The following CTNND2 variants were observed in gnomAD, a reference collection of about 807,000 sequenced individuals.
CTNND2 encodes catenin delta-2.
Under a neutral mutation model 144.4 loss-of-function variants are expected in CTNND2, and 22 were observed. The ratio of observed to expected loss-of-function variants is 0.15; its 90% CI spans 0.11 to 0.22. The LOEUF (loss-of-function observed/expected upper bound fraction) is 0.22. Among genes scored for constraint, CTNND2 ranks in the 10% least tolerant of loss-of-function variants. The pLI is 1.00. For synonymous variants in CTNND2, 751 were observed against 695.6 expected (o/e 1.08, Z -1.25); for missense variants, 1,353 against 1,618.8 (o/e 0.84, Z 2.82).
intron 2 of CTNND2, among the ~76,000 whole-genome samples, chr5:11,623,875 GA>G (rs1388845831): frequency 7.6e-6 from 1 of 131,010 alleles, no homozygotes; most frequent in Non-Finnish European, 1.6e-5. Context: ...GGAGCAGCCA[GA>G]TTCATAAAAG....
intron 11 of CTNND2, among the ~76,000 whole-genome samples, chr5:11,178,449 T>C (rs1760681299): frequency 6.6e-6 from 1 of 152,184 alleles, no homozygotes; most frequent in African/African-American, 2.4e-5. Context: ...GAAACAATCA[T>C]GACTATGAAA....
chr5:11,702,218 TACC>T (rs1785472911), intron 2 of CTNND2, among the ~76,000 whole-genome samples: 1 of 152,180 alleles, frequency 6.6e-6, no homozygotes, highest in African/African-American at 2.4e-5. Context: ...GCTTCTTGTG[TACC>T]ACAAGGGTTT....
intron 12 of CTNND2, among the ~76,000 whole-genome samples, chr5:11,137,730 C>G (rs1443453914): frequency 3.9e-5 from 6 of 152,146 alleles, no homozygotes; most frequent in Non-Finnish European, 5.9e-5. Flanking sequence ...CAGGCAAATC[C>G]TTATTTATGG....
At chr5:11,683,849 C>G (rs1249420851) in intron 2 of CTNND2, among the ~76,000 whole-genome samples, 1 of 152,150 alleles carries the variant, frequency 6.6e-6, no homozygotes, top group African/African-American at 2.4e-5. Context: ...GACTCTAGGT[C>G]AGAGCCCTGA....
intron 1 of CTNND2, among the ~76,000 whole-genome samples, chr5:11,750,272 T>C (rs1284576299): frequency 6.6e-6 from 1 of 151,954 alleles, no homozygotes; most frequent in African/African-American, 2.4e-5. Flanking sequence ...TAAGATCCCC[T>C]GTATGATTCC....
chr5:11,763,379 C>T (rs77431344), intron 1 of CTNND2, among the ~76,000 whole-genome samples: 11,607 of 152,184 alleles, frequency 0.076, 1,179 homozygotes, highest in African/African-American at 0.23. Context: ...TGCCCAACTA[C>T]CCAAGCCCAA....
chr5:11,130,012 A>G (rs1385540257), intron 12 of CTNND2, among the ~76,000 whole-genome samples: 2 of 152,066 alleles, frequency 1.3e-5, no homozygotes, highest in African/African-American at 4.8e-5. Flanking sequence ...TTCCCAAAAA[A>G]ACAAGTTTCC....
intron 9 of CTNND2, among the ~76,000 whole-genome samples, chr5:11,340,135 C>A (rs1022752940): frequency 1.4e-4 from 21 of 152,178 alleles, no homozygotes; most frequent in Admixed American, 1.2e-3. Context: ...TTTTAACTGT[C>A]CTCTTTACCT....
At chr5:11,151,058 T>C (rs2149752964) in intron 12 of CTNND2, among the ~76,000 whole-genome samples, 1 of 152,364 alleles carries the variant, frequency 6.6e-6, no homozygotes, top group East Asian at 1.9e-4. Context: ...ACGTGGACTC[T>C]GCTTGTTCTG....
intron 9 of CTNND2, among the ~76,000 whole-genome samples, chr5:11,282,934 T>C (rs1368070466): frequency 6.6e-6 from 1 of 152,176 alleles, no homozygotes; most frequent in Non-Finnish European, 1.5e-5. Context: ...TGTTAAAACT[T>C]GCCTCGTTCT....
intron 9 of CTNND2, among the ~76,000 whole-genome samples, chr5:11,296,583 C>T (rs958555862): frequency 5.9e-5 from 9 of 152,148 alleles, no homozygotes; most frequent in African/African-American, 2.2e-4. Flanking sequence ...GGAACCAACC[C>T]AAATGTCCAA....
intron 3 of CTNND2, among the ~76,000 whole-genome samples, chr5:11,522,500 T>C (rs1772831354): frequency 6.6e-6 from 1 of 152,194 alleles, no homozygotes; most frequent in South Asian, 2.1e-4. Context: ...TCAACTCTAT[T>C]ATCCATGTTA....
intron 1 of CTNND2, among the ~76,000 whole-genome samples, chr5:11,882,078 A>G (rs1211413357): frequency 6.6e-6 from 1 of 151,978 alleles, no homozygotes; most frequent in African/African-American, 2.4e-5. Context: ...TATTATCATT[A>G]TAACTGCTGT....
At chr5:11,742,003 G>C (rs1159716273) in intron 1 of CTNND2, among the ~76,000 whole-genome samples, 1 of 151,728 alleles carries the variant, frequency 6.6e-6, no homozygotes, top group African/African-American at 2.4e-5. Context: ...TAAGCTATGA[G>C]GACACAAAGG....
chr5:11,864,170 G>C (rs1174598485), intron 1 of CTNND2, among the ~76,000 whole-genome samples: 1 of 152,048 alleles, frequency 6.6e-6, no homozygotes, highest in African/African-American at 2.4e-5. Context: ...CTTCCAAGAG[G>C]TCACTCGAGG....
intron 2 of CTNND2, among the ~76,000 whole-genome samples, chr5:11,691,515 A>G (rs1427966054): frequency 6.6e-6 from 1 of 152,098 alleles, no homozygotes; most frequent in Non-Finnish European, 1.5e-5. Context: ...ACTCAACCAA[A>G]GCATCAACTT....
At chr5:11,872,820 G>A (rs1296983736) in intron 1 of CTNND2, among the ~76,000 whole-genome samples, 2 of 152,024 alleles carry the variant, frequency 1.3e-5, no homozygotes, top group Non-Finnish European at 2.9e-5. Flanking sequence ...ACTGAAACTG[G>A]ACCCCTTCCT....
chr5:11,705,327 G>C (rs1055910446), intron 2 of CTNND2, among the ~76,000 whole-genome samples: 20 of 152,244 alleles, frequency 1.3e-4, no homozygotes, highest in African/African-American at 4.6e-4. Flanking sequence ...CCATTCCTGA[G>C]CAAATCATGG....
At chr5:11,160,435 A>G (rs1360569538) in intron 11 of CTNND2, among the ~76,000 whole-genome samples, 1 of 152,262 alleles carries the variant, frequency 6.6e-6, no homozygotes, top group African/African-American at 2.4e-5. Flanking sequence ...TAATTCATGC[A>G]GGCAGAGCAA....
Sources: gnomAD v4.1 joint callset for allele counts (sites outside exome capture counted in the v4.1 genomes callset) on GRCh38, gnomAD v4.1.1 for gene constraint, MANE v1.5 for transcripts, NCBI Gene and HGNC (gene_info 2026-07-23, HGNC 2026-07-21) for gene names.